Variants in ERCC3 observed in about 807,000 individuals in gnomAD.
ERCC3 encodes general transcription and DNA repair factor IIH helicase/translocase subunit XPB.
ERCC3 carries 66 observed loss-of-function variants against 94.2 expected under a neutral mutation model. The observed-to-expected ratio is 0.70, with a 90% CI of 0.57 to 0.86. The LOEUF (loss-of-function observed/expected upper bound fraction) is 0.86, where lower values mean the gene tolerates loss of function less well. ERCC3 is among the 40% of genes least tolerant of loss of function. The pLI is 0.00. For missense variants in ERCC3, 829 were observed against 987.1 expected (o/e 0.84, Z 2.15); for synonymous variants, 349 against 369.1 (o/e 0.95, Z 0.63).
Position 127,274,034 on chromosome 2 carries a change from C to A in ERCC3, c.1731-1073G>T, listed in dbSNP as rs1436643794. Among the ~76,000 whole-genome samples, 1 of 151,808 alleles carries A rather than the reference C, an allele frequency of 6.6e-6. No individual in the cohort carries two copies. Among genetic ancestry groups the A allele is most frequent in the Non-Finnish European group, 1.5e-5 (1 of 67,970 alleles). On this transcript the variant is annotated intron_variant, in intron 10 of 14. Transcript: ENST00000285398. This position sits in a 1 kb window ranked among gnomAD's most constrained non-coding sequence, Gnocchi z 4.0. ...TTACATTAAAAAAAAAAAAATCCAG[C>A]CAGGCGCGGTGGCTCACACCTGTAA...
Position 127,291,928 on chromosome 2 carries a change from G to A in ERCC3, c.471+682C>T, listed in dbSNP as rs1685284716. ...GTTTACCACCTGTGTTAGTCAGCTT[G>A]GGCTGCCATAATAAAATTCCAGACT... On this transcript the variant is annotated intron_variant, in intron 3 of 14. Transcript: ENST00000285398. This position sits in a 1 kb window ranked among gnomAD's most constrained non-coding sequence, Gnocchi z 4.9. The A allele has an allele frequency of 6.3e-6, 1 of 157,950 alleles. No individual in the cohort carries two copies. Among genetic ancestry groups the A allele is most frequent in the Non-Finnish European group, 1.4e-5 (1 of 71,180 alleles). 9.8% of individuals were successfully genotyped at this position (157,950 alleles called of 1,614,324 possible). A position where few individuals can be genotyped will look rare whatever the true frequency, so the allele number is the denominator to read the frequency against.
chr2:127,259,168 G>A lies in ERCC3; in HGVS notation c.2217+128C>T, dbSNP rs776905745. 172 of 1,047,454 alleles carry A rather than the reference G, an allele frequency of 1.6e-4. No individual in the cohort carries two copies. Among genetic ancestry groups the A allele is most frequent in the Non-Finnish European group, 2.1e-4 (144 of 690,178 alleles). The allele number at this position is 1,047,454 out of a possible 1,614,324, so 64.9% of individuals were successfully genotyped here. On this transcript the variant is annotated intron_variant, in intron 14 of 14. Coordinates refer to ENST00000285398, the MANE Select transcript of ERCC3 (RefSeq NM_000122.2). The surrounding 1 kb of genome is among the most constrained non-coding windows in gnomAD (Gnocchi z 4.9). ...AGGATTGTTTCTGTTCATCTCTTCC[G>A]TGTTTTCCAACATTTCCAAAAAAAT... is the stretch of plus-strand genomic sequence containing the variant.
intron 10 of ERCC3, among the ~76,000 whole-genome samples, chr2:127,278,861 C>T (rs983849198): frequency 6.6e-6 from 1 of 152,208 alleles, no homozygotes; most frequent in Non-Finnish European, 1.5e-5. Context: ...CCCAAAGCTC[C>T]AAATGCCAAC....
intron 8 of ERCC3, among the ~76,000 whole-genome samples, chr2:127,281,768 A>AC (rs1684921516): frequency 6.7e-6 from 1 of 150,140 alleles, no homozygotes; most frequent in South Asian, 2.1e-4. Context: ...CACACACACA[A>AC]ACACACACAC....
Position 127,261,360 on chromosome 2 carries a change from T to A in ERCC3, c.1946-14A>T. On this transcript the variant is annotated splice_polypyrimidine_tract_variant and intron_variant, in intron 12 of 14. Coordinates refer to ENST00000285398, the MANE Select transcript of ERCC3 (RefSeq NM_000122.2). ...CTGCAACCATCCCTGCAGGAAAAAATGAGAAACGGCAATAAAGAAGACAAC... is the reference window on the plus strand; with the variant it reads ...CTGCAACCATCCCTGCAGGAAAAAAAGAGAAACGGCAATAAAGAAGACAAC... The A allele has an allele frequency of 6.8e-7, 1 of 1,466,766 alleles. No homozygotes were observed. The highest frequency in any genetic ancestry group is 9.6e-7 in the Non-Finnish European group (1 of 1,045,744). 90.9% of individuals were successfully genotyped at this position (1,466,766 alleles called of 1,614,324 possible).
chr2:127,288,566 G>T, intron 7 of ERCC3, 94 bp downstream of exon 7: 1 of 1,091,624 alleles, frequency 9.2e-7, no homozygotes, highest in Non-Finnish European at 1.4e-6. Context: ...TCAGCAAGGT[G>T]TGATTTAGGG....
chr2:127,289,540 T>A, intron 5 of ERCC3, 39 bp from the exon 6 acceptor site: 2 of 1,610,834 alleles, frequency 1.2e-6, no homozygotes, highest in Non-Finnish European at 1.7e-6. Flanking sequence ...ACACAACATT[T>A]AATTCTGCTG....
At chr2:127,261,115 A>C in intron 13 of ERCC3, 113 bp downstream of exon 13, 1 of 764,678 alleles carries the variant, frequency 1.3e-6, no homozygotes, top group South Asian at 1.4e-5. Context: ...CAAGGCCTCT[A>C]ATCTCCTAAT....
intron 10 of ERCC3, among the ~76,000 whole-genome samples, chr2:127,273,954 T>C (rs1684651871): frequency 2.0e-5 from 3 of 150,300 alleles, no homozygotes; most frequent in South Asian, 4.2e-4. Context: ...GCAAAGACAA[T>C]GAAGACAAAC....
chr2:127,290,765 G>A (rs1163568573), intron 3 of ERCC3: 2 of 206,826 alleles, frequency 9.7e-6, no homozygotes, highest in Non-Finnish European at 2.0e-5. Flanking sequence ...GAATACAGTA[G>A]AGGCTGTGTG....
At chr2:127,285,539 A>G (rs1685037584) in intron 8 of ERCC3, among the ~76,000 whole-genome samples, 1 of 152,094 alleles carries the variant, frequency 6.6e-6, no homozygotes. Flanking sequence ...AAAAATATAA[A>G]ATTAGCTGGG....
chr2:127,260,982 TGCGGG>T, intron 13 of ERCC3: 1 of 512,190 alleles, frequency 2.0e-6, no homozygotes, highest in Non-Finnish European at 3.6e-6. Flanking sequence ...AAAGCAGCCC[TGCGGG>T]GCTCAGATTC....
chr2:127,261,456 C>CA, intron 12 of ERCC3, 110 bp from the exon 13 acceptor site: 1 of 798,046 alleles, frequency 1.3e-6, no homozygotes. Flanking sequence ...AAAAGCCCTG[C>CA]ACTCGGGGTT....
intron 7 of ERCC3, 116 bp downstream of exon 7, chr2:127,288,543 TG>T: frequency 1.1e-6 from 1 of 917,932 alleles, no homozygotes; most frequent in Non-Finnish European, 1.8e-6. Flanking sequence ...GGGAGTCACC[TG>T]ATCTTGGCTT....
Position 127,271,613 on chromosome 2 carries a change from TA to T in ERCC3, c.1828-161del, listed in dbSNP as rs1166205097. Among the ~76,000 whole-genome samples the T allele has an allele frequency of 4.6e-5, 7 of 152,126 alleles. No homozygotes were observed. Among genetic ancestry groups the T allele is most frequent in the African/African-American group, 1.7e-4 (7 of 41,430 alleles). On this transcript the variant is annotated intron_variant, in intron 11 of 14. Coordinates refer to ENST00000285398, the MANE Select transcript of ERCC3 (RefSeq NM_000122.2). The surrounding 1 kb of genome is among the most constrained non-coding windows in gnomAD (Gnocchi z 5.0). ...ATGCAGGCAGAGAGAGGTGAAGCAATAAACCTCAGAAAGGCATCTCTGGGTC... is the reference window on the plus strand; with the variant it reads ...ATGCAGGCAGAGAGAGGTGAAGCAATAACCTCAGAAAGGCATCTCTGGGTC...
At position 127,280,725 on chromosome 2, in the gene ERCC3, T is replaced by C. The variant is rs1180771922; in HGVS notation, c.1343-94A>G. 3 of 1,168,768 alleles carry C rather than the reference T, an allele frequency of 2.6e-6. No individual in the cohort carries two copies. Among genetic ancestry groups the C allele is most frequent in the Non-Finnish European group, 3.7e-6 (3 of 807,814 alleles). 72.4% of individuals were successfully genotyped at this position (1,168,768 alleles called of 1,614,324 possible). ...TATTTTTTGTAGAGATGGGGTCTCATTATATTGCCCAGGCTGGTCTTGAAC... is the reference window on the plus strand; with the variant it reads ...TATTTTTTGTAGAGATGGGGTCTCACTATATTGCCCAGGCTGGTCTTGAAC... On this transcript the variant is annotated intron_variant, in intron 8 of 14. Coordinates refer to ENST00000285398, the MANE Select transcript of ERCC3 (RefSeq NM_000122.2). This position sits in a 1 kb window ranked among gnomAD's most constrained non-coding sequence, Gnocchi z 6.3.
At chr2:127,293,945 A>G in intron 1 of ERCC3, 109 bp downstream of exon 1, 1 of 1,538,400 alleles carries the variant, frequency 6.5e-7, no homozygotes, top group Non-Finnish European at 8.7e-7. Context: ...TGCGCGCGGG[A>G]GGGCCAGCAG....
At chr2:127,263,773 T>A (rs1443691261) in intron 12 of ERCC3, among the ~76,000 whole-genome samples, 1 of 151,396 alleles carries the variant, frequency 6.6e-6, no homozygotes, top group East Asian at 1.9e-4. Flanking sequence ...AGTGGCGTGA[T>A]CTCGGCTCAC....
rs1024820965 is a variant in ERCC3 at position 127,286,895 on chromosome 2, T to A, written c.1150A>T (p.Ile384Phe). 4 of 1,614,106 alleles carry A rather than the reference T, an allele frequency of 2.5e-6. No individual in the cohort carries two copies. The highest frequency in any genetic ancestry group is 1.7e-5 in the Admixed American group (1 of 59,998). The change falls in exon 8 of 15, where the codon ATT becomes TTT. Residue 384 changes from isoleucine (I) to phenylalanine (F), a missense_variant. Ile to Phe is a conservative substitution (Grantham distance 21). Transcript: ENST00000285398. ...AACCGGCAGATCTGGCTGTCGTCAA[T>A]GGTGGACCACATCTTGAACTGGGCT... ...WKAQFKMWST[I>F]DDSQICRFTS...
Sources: gnomAD v4.1 joint callset for allele counts (sites outside exome capture counted in the v4.1 genomes callset) on GRCh38, gnomAD v4.1.1 for gene constraint, Gnocchi (gnomAD v3.1) non-coding constraint, MANE v1.5 for transcripts, NCBI Gene and HGNC (gene_info 2026-07-23, HGNC 2026-07-21) for gene names.